Variants in MYOZ2 observed in about 807,000 individuals in gnomAD.
The protein encoded by MYOZ2 is myozenin-2.
In MYOZ2, 19 loss-of-function variants were observed where a neutral mutation model predicts 25.4. The ratio of observed to expected loss-of-function variants is 0.75; its 90% CI spans 0.52 to 1.10. The LOEUF (loss-of-function observed/expected upper bound fraction) is 1.10. MYOZ2 is among the 50% of genes least tolerant of loss of function. The pLI is 0.00. For missense variants in MYOZ2, 270 were observed against 317.9 expected (o/e 0.85, Z 1.15); for synonymous variants, 92 against 106.9 (o/e 0.86, Z 0.86).
chr4:119,175,437 T>C (rs1235988126), intron 5 of MYOZ2, among the ~76,000 whole-genome samples: 1 of 152,192 alleles, frequency 6.6e-6, no homozygotes, highest in Non-Finnish European at 1.5e-5. Flanking sequence ...AATTGTAATC[T>C]ATTGCATCTA....
chr4:119,143,619 G>A (rs1741222742), intron 2 of MYOZ2, among the ~76,000 whole-genome samples: 2 of 152,186 alleles, frequency 1.3e-5, no homozygotes, highest in Non-Finnish European at 2.9e-5. Flanking sequence ...TTTCACAAAT[G>A]CAGTGTCGTA....
chr4:119,150,019 T>C (rs1419021539), intron 2 of MYOZ2, among the ~76,000 whole-genome samples: 1 of 152,200 alleles, frequency 6.6e-6, no homozygotes, highest in African/African-American at 2.4e-5. Flanking sequence ...GGTAGTCAAC[T>C]GTGGCAAAAA....
At chr4:119,185,661 G>T (rs1309598536) in intron 5 of MYOZ2, among the ~76,000 whole-genome samples, 1 of 152,146 alleles carries the variant, frequency 6.6e-6, no homozygotes, top group Non-Finnish European at 1.5e-5. Context: ...AAGTACAAAG[G>T]CAAGACATGT....
intron 1 of MYOZ2, 35 bp downstream of exon 1, chr4:119,136,017 C>A: frequency 6.2e-6 from 1 of 161,084 alleles, no homozygotes; most frequent in Non-Finnish European, 1.4e-5. Flanking sequence ...TTTCATTAGT[C>A]AGTTGTCCAA....
intron 4 of MYOZ2, among the ~76,000 whole-genome samples, chr4:119,161,963 G>A (rs1253085739): frequency 6.6e-6 from 1 of 152,036 alleles, no homozygotes; most frequent in Admixed American, 6.6e-5. Flanking sequence ...AAATTGTCCA[G>A]TTTTTAAAGG....
intron 5 of MYOZ2, among the ~76,000 whole-genome samples, chr4:119,168,064 C>CT (rs1340942587): frequency 6.6e-6 from 1 of 151,734 alleles, no homozygotes; most frequent in African/African-American, 2.4e-5. Context: ...GCTCCGCCTC[C>CT]TGGGTTCATG....
Position 119,163,524 on chromosome 4 carries a change from A to G in MYOZ2, c.377-687A>G, listed in dbSNP as rs185324394. ...AGAATTTCCGTGACTTTTAAACAGT[A>G]TTTACAGAAAATTCCCAGCTGTTAT... On this transcript the variant is annotated intron_variant, in intron 4 of 5. Transcript: ENST00000307128. 6.6e-5 allele frequency among the ~76,000 whole-genome samples: 10 copies of G among 152,338 alleles called. No individual in the cohort carries two copies. The East Asian group carries it at 1.9e-3, about 29-fold the overall frequency.
intron 3 of MYOZ2, among the ~76,000 whole-genome samples, chr4:119,155,829 A>T (rs1741560702): frequency 6.6e-6 from 1 of 152,218 alleles, no homozygotes; most frequent in Non-Finnish European, 1.5e-5. Flanking sequence ...ATGACATGAT[A>T]AAGTATGAGC....
At chr4:119,165,602 T>C (rs553914527) in intron 5 of MYOZ2, among the ~76,000 whole-genome samples, 1 of 152,272 alleles carries the variant, frequency 6.6e-6, no homozygotes, top group Non-Finnish European at 1.5e-5. Context: ...AATGCATCCC[T>C]TGCATGAAAG....
At chr4:119,144,588 T>C (rs1331679231) in intron 2 of MYOZ2, among the ~76,000 whole-genome samples, 2 of 152,332 alleles carry the variant, frequency 1.3e-5, no homozygotes, top group African/African-American at 4.8e-5. Flanking sequence ...ACCCAGTTTC[T>C]CCACATCCTC....
In MYOZ2 at chr4:119,187,789, A is replaced by G. The variant is rs1338184123; in HGVS notation, c.*1589A>G. ...TAAAAATTAGGCATATTAATTATGC[A>G]TTTTGATGAAATGGTTTAATTCTTT... On this transcript the variant is annotated 3_prime_UTR_variant, in exon 6 of 6. Transcript: ENST00000307128. 6.6e-6 allele frequency: 1 copy of G among 152,186 alleles called. No homozygotes were observed. The highest frequency in any genetic ancestry group is 1.5e-5 in the Non-Finnish European group (1 of 68,034). 9.4% of individuals were successfully genotyped at this position (152,186 alleles called of 1,614,324 possible).
chr4:119,184,884 ATTC>A (rs767841817), intron 5 of MYOZ2, among the ~76,000 whole-genome samples: 8 of 152,222 alleles, frequency 5.3e-5, no homozygotes, highest in Non-Finnish European at 1.2e-4. Context: ...GATAATCCAC[ATTC>A]TTAAAAGGAG....
intron 4 of MYOZ2, among the ~76,000 whole-genome samples, chr4:119,162,324 C>G (rs1295458330): frequency 6.6e-6 from 1 of 152,100 alleles, no homozygotes; most frequent in African/African-American, 2.4e-5. Flanking sequence ...ATGGGTCATG[C>G]TGAGTGGTTG....
At chr4:119,172,538 C>T (rs1179472203) in intron 5 of MYOZ2, among the ~76,000 whole-genome samples, 1 of 152,114 alleles carries the variant, frequency 6.6e-6, no homozygotes, top group Non-Finnish European at 1.5e-5. Flanking sequence ...CCATCGAGTA[C>T]AGGGTTTACA....
intron 5 of MYOZ2, among the ~76,000 whole-genome samples, chr4:119,179,327 G>C (rs1742141242): frequency 6.6e-6 from 1 of 152,138 alleles, no homozygotes; most frequent in South Asian, 2.1e-4. Flanking sequence ...CAGATTTTCA[G>C]CAGATCATTC....
intron 3 of MYOZ2, among the ~76,000 whole-genome samples, chr4:119,154,812 A>G (rs990446755): frequency 1.3e-5 from 2 of 151,922 alleles, no homozygotes; most frequent in African/African-American, 4.8e-5. Flanking sequence ...ATTAAGTCCA[A>G]CACTCAAGAT....
chr4:119,150,344 A>C (rs1159754019), intron 2 of MYOZ2, among the ~76,000 whole-genome samples: 2 of 152,138 alleles, frequency 1.3e-5, no homozygotes, highest in African/African-American at 2.4e-5. Context: ...GATTGGGGAA[A>C]AAGTTCACTC....
chr4:119,138,735 C>T (rs28405657), intron 2 of MYOZ2, among the ~76,000 whole-genome samples: 1 of 151,992 alleles, frequency 6.6e-6, no homozygotes, highest in African/African-American at 2.4e-5. Context: ...TTTTTTCAGC[C>T]TCATAACTCA....
chr4:119,171,090 C>T (rs1366575997), intron 5 of MYOZ2, among the ~76,000 whole-genome samples: 1 of 152,042 alleles, frequency 6.6e-6, no homozygotes, highest in Non-Finnish European at 1.5e-5. Flanking sequence ...TTAAGACATA[C>T]TTACATAAAT....
Sources: allele counts gnomAD v4.1 joint callset (sites outside exome capture counted in the v4.1 genomes callset), GRCh38; gene constraint gnomAD v4.1.1; transcripts MANE v1.5; gene names NCBI Gene and HGNC (gene_info 2026-07-23, HGNC 2026-07-21).